The following COL5A1 variants were observed in gnomAD, a reference collection of about 807,000 sequenced individuals.
The protein encoded by COL5A1 is collagen alpha-1(V) chain.
COL5A1 carries 16 observed loss-of-function variants against 263.7 expected under a neutral mutation model. The ratio of observed to expected loss-of-function variants is 0.06; its 90% CI spans 0.04 to 0.09. The LOEUF (loss-of-function observed/expected upper bound fraction) is 0.09. Among genes scored for constraint, COL5A1 ranks in the 10% least tolerant of loss-of-function variants. The pLI is 1.00. For missense variants in COL5A1, 2,036 were observed against 2,540.5 expected (o/e 0.80, Z 4.27); for synonymous variants, 1,012 against 1,004.5 (o/e 1.01, Z -0.14).
At chr9:134,693,136 C>G (rs1564391849) in intron 2 of COL5A1, among the ~76,000 whole-genome samples, 1 of 152,118 alleles carries the variant, frequency 6.6e-6, no homozygotes, top group Non-Finnish European at 1.5e-5. Flanking sequence ...AGCAGGCTCT[C>G]TGTGCCTCTC....
intron 1 of COL5A1, among the ~76,000 whole-genome samples, chr9:134,685,082 A>T (rs1832977584): frequency 1.1e-3 from 105 of 97,298 alleles, no homozygotes; most frequent in Admixed American, 1.6e-3. Flanking sequence ...CCATCCATCC[A>T]CCCACCATCC....
At chr9:134,732,225 A>G in intron 9 of COL5A1, 98 bp downstream of exon 9, 1 of 1,260,706 alleles carries the variant, frequency 7.9e-7, no homozygotes, top group Non-Finnish European at 1.2e-6. Flanking sequence ...GGGCCCCTGC[A>G]CCTGCGCGCA....
At chr9:134,763,528 C>CTGGG (rs1836546220) in intron 19 of COL5A1, among the ~76,000 whole-genome samples, 165 bp from the exon 20 acceptor site, 1 of 152,260 alleles carries the variant, frequency 6.6e-6, no homozygotes, top group South Asian at 2.1e-4. Flanking sequence ...TAGCAGCTTG[C>CTGGG]TGGGAGCGAG....
At chr9:134,828,580 TACC>T (rs1839400899) in intron 63 of COL5A1, among the ~76,000 whole-genome samples, 1 of 15,650 alleles carries the variant, frequency 6.4e-5, no homozygotes, top group African/African-American at 1.8e-4. Context: ...ACACCACATA[TACC>T]ACACCACACA....
At chr9:134,760,580 A>C in intron 18 of COL5A1, among the ~76,000 whole-genome samples, 1 of 111,484 alleles carries the variant, frequency 9.0e-6, no homozygotes. Flanking sequence ...ACACCCCCAC[A>C]CTCAGACACA....
At position 134,843,905 on chromosome 9, in the gene COL5A1, G is replaced by A. The variant is rs773973677; in HGVS notation, c.*1602G>A. ...AGCGTCAGCGGCTCCAGAGCTCGGG[G>A]CGGGTGAGGTCCCCTTTGGGGAACC... On this transcript the variant is annotated 3_prime_UTR_variant, in exon 66 of 66. Transcript: ENST00000371817. 6.6e-6 allele frequency: 1 copy of A among 152,524 alleles called. No homozygotes were observed. The highest frequency in any genetic ancestry group is 2.4e-5 in the African/African-American group (1 of 41,474). 9.4% of individuals were successfully genotyped at this position (152,524 alleles called of 1,614,324 possible).
chr9:134,671,990 G>A (rs1023925235), intron 1 of COL5A1, among the ~76,000 whole-genome samples: 3 of 152,210 alleles, frequency 2.0e-5, no homozygotes, highest in African/African-American at 7.2e-5. Flanking sequence ...GGTGTGGGGG[G>A]GCCCACTTCA....
rs886514097 is a variant in COL5A1, at chr9:134,682,908, G to A, written c.110-8004G>A. 1.3e-5 allele frequency among the ~76,000 whole-genome samples: 2 copies of A among 152,176 alleles called. No individual in the cohort carries two copies. Among genetic ancestry groups the A allele is most frequent in the African/African-American group, 2.4e-5 (1 of 41,432 alleles). On this transcript the variant is annotated intron_variant, in intron 1 of 65. Coordinates refer to ENST00000371817, the MANE Select transcript of COL5A1 (RefSeq NM_000093.5). This position sits in a 1 kb window ranked among gnomAD's most constrained non-coding sequence, Gnocchi z 5.1. ...GACAGCCTGGGCTTCAAAGGCAGCC[G>A]ACCCATAGCCAGTGCTTAAAGATAT...
chr9:134,756,861 A>G, intron 17 of COL5A1, 43 bp downstream of exon 17: 1 of 1,585,910 alleles, frequency 6.3e-7, no homozygotes, highest in Non-Finnish European at 8.7e-7. Context: ...CATCACTGTC[A>G]TCCCTGGGGT....
intron 11 of COL5A1, among the ~76,000 whole-genome samples, chr9:134,745,686 C>T (rs529293502): frequency 2.6e-5 from 4 of 152,232 alleles, no homozygotes; most frequent in South Asian, 2.1e-4. Context: ...AATGAACGAA[C>T]GAATGGTGGG....
At chr9:134,676,120 A>G (rs1430183474) in intron 1 of COL5A1, among the ~76,000 whole-genome samples, 1 of 151,980 alleles carries the variant, frequency 6.6e-6, no homozygotes, top group Non-Finnish European at 1.5e-5. Flanking sequence ...TATGAAGTGG[A>G]GGGATATAGA....
intron 29 of COL5A1, among the ~76,000 whole-genome samples, chr9:134,783,482 G>T (rs1837336499): frequency 6.6e-6 from 1 of 152,146 alleles, no homozygotes; most frequent in South Asian, 2.1e-4. Context: ...ACTCTTGGAG[G>T]TTTCCCCAGT....
chr9:134,739,478 G>A (rs1339231143), intron 11 of COL5A1, among the ~76,000 whole-genome samples: 2 of 152,236 alleles, frequency 1.3e-5, no homozygotes, highest in African/African-American at 4.8e-5. Context: ...GCGGGTGTTC[G>A]CGGGTGTTCA....
rs1831728646 is a variant in COL5A1 at position 134,652,544 on chromosome 9, C to T, written c.109+10248C>T. ...CTGGAGATGTTTTCTGATTGTCGCA[C>T]CTGGGGTGGGGGCAGGGCTATCGGC... is the stretch of plus-strand genomic sequence containing the variant. On this transcript the variant is annotated intron_variant, in intron 1 of 65. Coordinates refer to ENST00000371817, the MANE Select transcript of COL5A1 (RefSeq NM_000093.5). This position sits in a 1 kb window ranked among gnomAD's most constrained non-coding sequence, Gnocchi z 4.4. 6.6e-6 allele frequency among the ~76,000 whole-genome samples: 1 copy of T among 152,152 alleles called. No individual in the cohort carries two copies. The highest frequency in any genetic ancestry group is 2.4e-5 in the African/African-American group (1 of 41,430).
At position 134,758,984 on chromosome 9, in the gene COL5A1, C is replaced by T. The variant is rs1836100285; in HGVS notation, c.1935+688C>T. Among the ~76,000 whole-genome samples, 1 of 152,262 alleles carries T rather than the reference C, an allele frequency of 6.6e-6. No individual in the cohort carries two copies. The highest frequency in any genetic ancestry group is 2.1e-4 in the South Asian group (1 of 4,828). Reference sequence around the variant, plus strand: ...CTTTCAATAACAACGTGATAGAAAGCCTACAATCTCCTGCCCTGTTGAGGA... The same window carrying T: ...CTTTCAATAACAACGTGATAGAAAGTCTACAATCTCCTGCCCTGTTGAGGA... On this transcript the variant is annotated intron_variant, in intron 18 of 65. Coordinates refer to ENST00000371817, the MANE Select transcript of COL5A1 (RefSeq NM_000093.5). The surrounding 1 kb of genome is among the most constrained non-coding windows in gnomAD (Gnocchi z 4.1).
chr9:134,709,129 C>A (rs1833945229), intron 4 of COL5A1: 1 of 363,464 alleles, frequency 2.8e-6, no homozygotes, highest in Non-Finnish European at 5.5e-6. Context: ...GGAGTTCCGA[C>A]CTGGACCCAT....
At position 134,766,986 on chromosome 9, in the gene COL5A1, C is replaced by G; in HGVS notation, c.2134-14C>G. The G allele has an allele frequency of 6.2e-7, 1 of 1,613,302 alleles. No individual in the cohort carries two copies. On this transcript the variant is annotated splice_polypyrimidine_tract_variant and intron_variant, in intron 22 of 65. Transcript: ENST00000371817. Reference sequence around the variant, plus strand: ...CAGAGCCCCCTTCAGTGCCTTTGCTCTTGTCTCCTGTAGGGTCCCCAGGGA... The same window carrying G: ...CAGAGCCCCCTTCAGTGCCTTTGCTGTTGTCTCCTGTAGGGTCCCCAGGGA...
At chr9:134,708,064 C>A (rs1338660173) in intron 4 of COL5A1, among the ~76,000 whole-genome samples, 2 of 152,198 alleles carry the variant, frequency 1.3e-5, no homozygotes, top group African/African-American at 2.4e-5. Flanking sequence ...GGATGAGCTG[C>A]GTTCCCCTGT....
In COL5A1 at chr9:134,795,321, T is replaced by C; in HGVS notation, c.2799+6T>C. On this transcript the variant is annotated splice_donor_region_variant and intron_variant, in intron 34 of 65. Coordinates refer to ENST00000371817, the MANE Select transcript of COL5A1 (RefSeq NM_000093.5). ...CTGGGAAGCCTGGCCCCAAGGTATG[T>C]TTTTGGCCTCCTGGGCGGTGGGCGG... 3 of 1,612,898 alleles carry C rather than the reference T, an allele frequency of 1.9e-6. No individual in the cohort carries two copies. The highest frequency in any genetic ancestry group is 2.5e-6 in the Non-Finnish European group (3 of 1,179,660).
Sources: allele counts gnomAD v4.1 joint callset (sites outside exome capture counted in the v4.1 genomes callset), GRCh38; gene constraint gnomAD v4.1.1; non-coding constraint Gnocchi (gnomAD v3.1); transcripts MANE v1.5; gene names NCBI Gene and HGNC (gene_info 2026-07-23, HGNC 2026-07-21).